ADGRG1: variants seen among roughly 807,000 people sequenced by gnomAD.
The protein encoded by ADGRG1 is 7-transmembrane protein with no EGF-like N-terminal domains-1.
ADGRG1 carries 53 observed loss-of-function variants against 73.5 expected under a neutral mutation model. That is an observed-to-expected ratio of 0.72 (90% CI 0.58 to 0.91). ADGRG1 has a LOEUF of 0.91. Among genes scored for constraint, ADGRG1 ranks in the 40% least tolerant of loss-of-function variants. ADGRG1 has a pLI of 0.00. For synonymous variants in ADGRG1, 394 were observed against 374.4 expected (o/e 1.05, Z -0.60); for missense variants, 795 against 871.8 (o/e 0.91, Z 1.11).
intron 1 of ADGRG1, chr16:57,645,049 A>G (rs1356731875): frequency 1.0e-6 from 1 of 983,900 alleles, no homozygotes; most frequent in African/African-American, 1.7e-5. Flanking sequence ...GCACATACAC[A>G]CACTCATGCA....
Position 57,663,467 on chromosome 16 carries a change from T to C in ADGRG1, c.1949T>C (p.Ile650Thr). The C allele has an allele frequency of 6.2e-7, 1 of 1,614,048 alleles. No individual in the cohort carries two copies. The highest frequency in any genetic ancestry group is 8.5e-7 in the Non-Finnish European group (1 of 1,179,988). The change falls in exon 14 of 14, where the codon ATC (isoleucine) becomes ACC (threonine). Residue 650 changes from isoleucine to threonine, a missense_variant. By Grantham distance (89) the Ile-to-Thr change is moderately conservative. Transcript: ENST00000562631. ...CTGCCCGCAGGCTTCCTCATCTTCA[T>C]CTGGTACTGGTCCATGCGGCTGCAG... The part of the protein sequence containing the change: ...ITSFQGFLIF[I>T]WYWSMRLQAR...
upstream of ADGRG1, chr16:57,623,031 A>G: frequency 1.0e-6 from 1 of 985,388 alleles, no homozygotes; most frequent in Non-Finnish European, 1.2e-6. Flanking sequence ...AGAAGATGGT[A>G]TGGAGGGGCA....
intron 1 of ADGRG1, chr16:57,632,090 G>T: frequency 1.0e-6 from 1 of 985,448 alleles, no homozygotes; most frequent in Non-Finnish European, 1.2e-6. Context: ...CCTTGCACAC[G>T]ACACCCACTT....
upstream of ADGRG1, chr16:57,627,883 T>C: frequency 7.2e-6 from 7 of 976,458 alleles, no homozygotes; most frequent in Non-Finnish European, 8.5e-6. Flanking sequence ...TCCACACTTC[T>C]CTGTCTGAGC....
chr16:57,655,617 C>A (rs747979786), intron 6 of ADGRG1, 87 bp downstream of exon 6: 5 of 1,601,230 alleles, frequency 3.1e-6, no homozygotes, highest in Non-Finnish European at 4.3e-6. Flanking sequence ...TGAGCTCCTT[C>A]CTCTGGGAGT....
chr16:57,632,444 G>A, intron 1 of ADGRG1: 1 of 538,904 alleles, frequency 1.9e-6, no homozygotes, highest in East Asian at 1.5e-4. Flanking sequence ...AGAGTTGATA[G>A]AGGAAAGCAT....
intron 1 of ADGRG1, chr16:57,633,637 C>A: frequency 2.7e-6 from 1 of 372,346 alleles, no homozygotes; most frequent in Non-Finnish European, 3.7e-6. Flanking sequence ...GCCTCGTCTT[C>A]CTAATTGTAA....
intron 1 of ADGRG1, chr16:57,646,393 C>T (rs1018259961): frequency 2.0e-6 from 2 of 984,314 alleles, no homozygotes; most frequent in Non-Finnish European, 2.4e-6. Flanking sequence ...CTCAGACAAA[C>T]CCTGGCCACC....
At chr16:57,637,459 TG>T (rs1407491559) in intron 1 of ADGRG1, 36 of 985,314 alleles carry the variant, frequency 3.7e-5, no homozygotes, top group South Asian at 4.7e-5. Flanking sequence ...GTGCCTCGTC[TG>T]TACCTCCCCC....
At chr16:57,626,797 T>C (rs1197085802), upstream of ADGRG1, 7 of 984,086 alleles carry the variant, frequency 7.1e-6, no homozygotes, top group Non-Finnish European at 8.4e-6. Flanking sequence ...GGGTTACCAG[T>C]TGATCAGGCC....
chr16:57,625,060 G>A (rs1227179454), upstream of ADGRG1, among the ~76,000 whole-genome samples: 2 of 152,024 alleles, frequency 1.3e-5, no homozygotes, highest in Non-Finnish European at 2.9e-5. Context: ...CAGACTCCGG[G>A]CTCAGAGAGG....
chr16:57,630,536 G>C, intron 1 of ADGRG1: 1 of 985,450 alleles, frequency 1.0e-6, no homozygotes. Context: ...GGCTCCGAGA[G>C]TGTCGGGTGA....
Position 57,657,414 on chromosome 16 carries a change from G to A in ADGRG1, c.1209G>A (p.Leu403=), listed in dbSNP as rs764895566. ...TGGACGCCGTGCACAAGCACTACCT[G>A]AGCCTCCTCTCCTACGTGGGCTGTG... is the stretch of plus-strand genomic sequence containing the variant. ...VEVDAVHKHY[L]SLLSYVGCVV... is the part of the protein sequence containing the mutation. The change falls in exon 10 of 14, where the codon CTG becomes CTA. Residue 403 remains leucine (L), a synonymous_variant. Coordinates refer to ENST00000562631, the MANE Select transcript of ADGRG1 (RefSeq NM_201525.4). 9 of 1,614,154 alleles carry A rather than the reference G, an allele frequency of 5.6e-6. No individual in the cohort carries two copies. In the East Asian group the frequency reaches 2.0e-4, roughly 36 times the overall value.
At position 57,663,239 on chromosome 16, in the gene ADGRG1, G is replaced by A. The variant is rs567086836; in HGVS notation, c.1934-213G>A. ...AATAGTAATGAATAGGATGGGCCTA[G>A]GAAGTTTGTGACAGTGAGAGGCCAC... On this transcript the variant is annotated intron_variant, in intron 13 of 13. Coordinates refer to ENST00000562631, the MANE Select transcript of ADGRG1 (RefSeq NM_201525.4). 146 of 844,032 alleles carry A rather than the reference G, an allele frequency of 1.7e-4. No homozygotes were observed. The African/African-American group carries it at 2.2e-3, about 13-fold the overall frequency. 52.3% of individuals were successfully genotyped at this position (844,032 alleles called of 1,614,324 possible). A position where few individuals can be genotyped will look rare whatever the true frequency, so the allele number is the denominator to read the frequency against.
intron 1 of ADGRG1, chr16:57,621,280 G>A (rs2034751196): frequency 6.6e-6 from 1 of 152,058 alleles, no homozygotes; most frequent in South Asian, 2.1e-4. Flanking sequence ...CATGCAGAAG[G>A]CGGCATTTCT....
intron 2 of ADGRG1, among the ~76,000 whole-genome samples, chr16:57,622,338 G>T (rs914807117): frequency 6.6e-6 from 1 of 152,166 alleles, no homozygotes; most frequent in Admixed American, 6.5e-5. Flanking sequence ...GTGGCGTCTA[G>T]GTGGAGTGAT....
intron 13 of ADGRG1, among the ~76,000 whole-genome samples, chr16:57,662,359 C>T (rs930120617): frequency 7.9e-5 from 12 of 152,132 alleles, no homozygotes; most frequent in African/African-American, 2.9e-4. Flanking sequence ...CCAGGGAGGC[C>T]TCTCTGGATA....
In ADGRG1 at chr16:57,660,992, G is replaced by A. The variant is rs17240883; in HGVS notation, c.1664+116G>A. ...GACACCTGGGTTCCAGTCTCCTCGA[G>A]GAATTGGCCTGGCAGTGGCTGAAGC... is the stretch of plus-strand genomic sequence containing the variant. On this transcript the variant is annotated intron_variant, in intron 12 of 13. Coordinates refer to ENST00000562631, the MANE Select transcript of ADGRG1 (RefSeq NM_201525.4). 0.031 allele frequency: 23,370 copies of A among 746,616 alleles called. 517 individuals are homozygous for A. The highest frequency in any genetic ancestry group is 0.037 in the Non-Finnish European group (15,230 of 416,690). The allele number at this position is 746,616 out of a possible 1,614,324, so 46.2% of individuals were successfully genotyped here.
Position 57,628,737 on chromosome 16 carries a change from T to G in ADGRG1, c.-101T>G. On this transcript the variant is annotated 5_prime_UTR_variant, in exon 1 of 14. Transcript: ENST00000562631. ...GACCAGGGCTGGCAGGTTAAGCCTC[T>G]GGGGGTGGATCCTGAAAGGTGGTCC... is the stretch of plus-strand genomic sequence containing the variant. 1 of 985,512 alleles carries G rather than the reference T, an allele frequency of 1.0e-6. No homozygotes were observed. The highest frequency in any genetic ancestry group is 1.2e-6 in the Non-Finnish European group (1 of 829,974). The allele number at this position is 985,512 out of a possible 1,614,324, so 61.0% of individuals were successfully genotyped here.
Sources: allele counts gnomAD v4.1 joint callset (sites outside exome capture counted in the v4.1 genomes callset), GRCh38; gene constraint gnomAD v4.1.1; transcripts MANE v1.5; gene names NCBI Gene and HGNC (gene_info 2026-07-23, HGNC 2026-07-21).